The following PCDH9 variants were observed in gnomAD, a reference collection of about 807,000 sequenced individuals.
The protein encoded by PCDH9 is protocadherin 9, also known as protocadherin-9.
A neutral mutation model predicts 70.6 loss-of-function variants in PCDH9; 24 were observed. That is an observed-to-expected ratio of 0.34 (90% CI 0.25 to 0.48). The LOEUF (loss-of-function observed/expected upper bound fraction) is 0.48, where lower values mean the gene tolerates loss of function less well. PCDH9 is among the 20% of genes least tolerant of loss of function. The probability of loss-of-function intolerance (pLI) is 0.99; values close to 1 mark genes in which losing one functional copy is unlikely to be tolerated. For missense variants in PCDH9, 1,281 were observed against 1,503.6 expected (o/e 0.85, Z 2.45); for synonymous variants, 562 against 558.5 (o/e 1.01, Z -0.09).
intron 3 of PCDH9, among the ~76,000 whole-genome samples, chr13:66,852,801 A>G (rs1025285375): frequency 6.6e-6 from 1 of 152,290 alleles, no homozygotes; most frequent in Non-Finnish European, 1.5e-5. Context: ...CTCTATGCCA[A>G]ATACCTGGGA....
intron 3 of PCDH9, among the ~76,000 whole-genome samples, chr13:66,799,120 G>A (rs1381637729): frequency 3.3e-5 from 5 of 152,002 alleles, no homozygotes; most frequent in Non-Finnish European, 2.9e-5. Context: ...CACCTGGCCT[G>A]CTACTCTTTA....
intron 2 of PCDH9, among the ~76,000 whole-genome samples, chr13:67,091,457 C>G (rs965575350): frequency 2.0e-5 from 3 of 152,072 alleles, no homozygotes; most frequent in Non-Finnish European, 4.4e-5. Context: ...TGTTGATTGC[C>G]GTCATTTGAA....
intron 4 of PCDH9, among the ~76,000 whole-genome samples, chr13:66,409,605 A>G (rs1388669711): frequency 6.6e-6 from 1 of 152,216 alleles, no homozygotes; most frequent in Non-Finnish European, 1.5e-5. Flanking sequence ...CACCGAAACT[A>G]GATTTCTCCA....
At chr13:66,974,798 GAA>G (rs1231175920) in intron 2 of PCDH9, among the ~76,000 whole-genome samples, 1 of 151,996 alleles carries the variant, frequency 6.6e-6, no homozygotes, top group Non-Finnish European at 1.5e-5. Flanking sequence ...GTTGAGAGTT[GAA>G]AACAGCTTTA....
chr13:66,526,198 A>G (rs1960210086), intron 4 of PCDH9, among the ~76,000 whole-genome samples: 1 of 152,114 alleles, frequency 6.6e-6, no homozygotes, highest in African/African-American at 2.4e-5. Flanking sequence ...TTCTATTGCA[A>G]GCTCTTTAGA....
chr13:67,189,770 T>C (rs17520229), intron 2 of PCDH9, among the ~76,000 whole-genome samples: 4,658 of 152,072 alleles, frequency 0.031, 140 homozygotes, highest in Admixed American at 0.093. Context: ...GAAAGCCATT[T>C]GACAATCTGC....
At chr13:66,786,122 G>C (rs1322575786) in intron 3 of PCDH9, among the ~76,000 whole-genome samples, 3 of 152,064 alleles carry the variant, frequency 2.0e-5, no homozygotes, top group African/African-American at 7.2e-5. Flanking sequence ...TGGTTACATG[G>C]CTAATTAGCA....
At chr13:66,549,830 G>A (rs185826120) in intron 4 of PCDH9, among the ~76,000 whole-genome samples, 50 of 152,184 alleles carry the variant, frequency 3.3e-4, no homozygotes, top group Admixed American at 8.5e-4. Flanking sequence ...GCCAGCCTGG[G>A]CAAAATGGCG....
intron 2 of PCDH9, among the ~76,000 whole-genome samples, chr13:67,118,948 A>G (rs924467113): frequency 1.3e-5 from 2 of 152,188 alleles, no homozygotes; most frequent in Non-Finnish European, 2.9e-5. Flanking sequence ...GGCATGCATC[A>G]TATGAGCATT....
At chr13:66,359,051 A>G (rs944085920) in intron 4 of PCDH9, among the ~76,000 whole-genome samples, 1 of 151,968 alleles carries the variant, frequency 6.6e-6, no homozygotes, top group Non-Finnish European at 1.5e-5. Flanking sequence ...GGCTTCTTTC[A>G]AGGATAATTA....
intron 2 of PCDH9, among the ~76,000 whole-genome samples, chr13:67,129,235 A>G (rs2087050099): frequency 6.6e-6 from 1 of 152,180 alleles, no homozygotes; most frequent in Non-Finnish European, 1.5e-5. Context: ...GAAAGAAGGG[A>G]AAAACAAAAC....
At chr13:66,576,404 C>G (rs762521150) in intron 4 of PCDH9, among the ~76,000 whole-genome samples, 2 of 151,884 alleles carry the variant, frequency 1.3e-5, no homozygotes, top group African/African-American at 4.8e-5. Context: ...TAGATTCAAA[C>G]CTTTATGGCT....
At position 66,524,877 on chromosome 13, in the gene PCDH9, C is replaced by T. The variant is rs144646972; in HGVS notation, c.3340+106333G>A. On this transcript the variant is annotated intron_variant, in intron 4 of 4. Transcript: ENST00000377865. ...AAACCAAAATTTGTAGATACCTCTG[C>T]TATCTTGAAATAATAGCCATCTTTG... Among the ~76,000 whole-genome samples, 654 of 152,162 alleles carry T rather than the reference C, an allele frequency of 4.3e-3. 3 individuals are homozygous for T. Among genetic ancestry groups the T allele is most frequent in the African/African-American group, 0.015 (625 of 41,546 alleles).
At chr13:66,828,772 A>G (rs2080868740) in intron 3 of PCDH9, among the ~76,000 whole-genome samples, 2 of 151,648 alleles carry the variant, frequency 1.3e-5, no homozygotes, top group Admixed American at 1.3e-4. Flanking sequence ...GGAGAATTAC[A>G]ATGATTGCTC....
chr13:67,093,918 A>G (rs1377815217), intron 2 of PCDH9, among the ~76,000 whole-genome samples: 1 of 152,226 alleles, frequency 6.6e-6, no homozygotes, highest in Admixed American at 6.6e-5. Flanking sequence ...ATGAGATAGT[A>G]GAAAAGGTAC....
At chr13:66,512,368 A>G (rs1040477036) in intron 4 of PCDH9, among the ~76,000 whole-genome samples, 31 of 151,552 alleles carry the variant, frequency 2.0e-4, no homozygotes, top group Admixed American at 7.2e-4. Flanking sequence ...TCAATTATAT[A>G]TAAATGATTG....
intron 4 of PCDH9, among the ~76,000 whole-genome samples, chr13:66,367,813 G>C (rs1470393907): frequency 6.6e-6 from 1 of 151,960 alleles, no homozygotes; most frequent in African/African-American, 2.4e-5. Context: ...TCTTTGAAGA[G>C]GATGTGATGA....
At chr13:67,133,982 T>C (rs1363737805) in intron 2 of PCDH9, among the ~76,000 whole-genome samples, 1 of 152,060 alleles carries the variant, frequency 6.6e-6, no homozygotes, top group African/African-American at 2.4e-5. Flanking sequence ...TTAAAACAGG[T>C]ATTGATGACT....
At chr13:67,170,354 A>T (rs1291686474) in intron 2 of PCDH9, among the ~76,000 whole-genome samples, 1 of 152,216 alleles carries the variant, frequency 6.6e-6, no homozygotes, top group African/African-American at 2.4e-5. Context: ...AACACTGAGA[A>T]ATACATTTCG....
Sources: gnomAD v4.1 joint callset for allele counts (sites outside exome capture counted in the v4.1 genomes callset) on GRCh38, gnomAD v4.1.1 for gene constraint, MANE v1.5 for transcripts, NCBI Gene and HGNC (gene_info 2026-07-23, HGNC 2026-07-21) for gene names.